Variants in PICK1 observed in about 807,000 individuals in gnomAD.
PICK1 encodes the protein protein interacting with PRKCA 1.
In PICK1, 23 loss-of-function variants were observed where a neutral mutation model predicts 48.9. The observed-to-expected ratio is 0.47, with a 90% CI of 0.34 to 0.67. The LOEUF (loss-of-function observed/expected upper bound fraction) is 0.67, where lower values mean the gene tolerates loss of function less well. Among genes scored for constraint, PICK1 ranks in the 30% least tolerant of loss-of-function variants. The pLI is 0.01. For missense variants in PICK1, 423 were observed against 557.1 expected, an observed-to-expected ratio of 0.76 and a Z score of 2.42; for synonymous variants, 217 against 228.2, an observed-to-expected ratio of 0.95 and a Z score of 0.44.
chr22:38,071,995 C>A (rs1455384087), intron 8 of PICK1: 2 of 563,296 alleles, frequency 3.6e-6, no homozygotes, highest in Non-Finnish European at 6.4e-6. Flanking sequence ...AAGGCCCTTG[C>A]TTATTTATAT....
chr22:38,074,496 G>C lies in PICK1; in HGVS notation c.979+45G>C, dbSNP rs766398481. ...CCGTCCGCTCTCCATTTCAGAGGTG[G>C]GAAAACTGAGGCCCAGAGGGGTACT... On this transcript the variant is annotated intron_variant, in intron 12 of 12. Transcript: ENST00000356976. The surrounding 1 kb of genome is among the most constrained non-coding windows in gnomAD (Gnocchi z 4.5). 1 of 1,608,346 alleles carries C rather than the reference G, an allele frequency of 6.2e-7. No individual in the cohort carries two copies. Among genetic ancestry groups the C allele is most frequent in the Non-Finnish European group, 8.5e-7 (1 of 1,177,802 alleles).
At position 38,069,808 on chromosome 22, in the gene PICK1, C is replaced by T. The variant is rs559667263; in HGVS notation, c.439+686C>T. On this transcript the variant is annotated intron_variant, in intron 6 of 12. Transcript: ENST00000356976. ...GCTGCTATTTTCAGCCTCCTGGTGC[C>T]GTGCCTATAAATCCCTGTTACTGTA... 2.6e-5 allele frequency among the ~76,000 whole-genome samples: 4 copies of T among 152,142 alleles called. No homozygotes were observed. In the South Asian group the frequency reaches 6.2e-4, roughly 24 times the overall value.
intron 8 of PICK1, 32 bp downstream of exon 8, chr22:38,071,776 C>T (rs762333770): frequency 3.1e-6 from 5 of 1,593,546 alleles, no homozygotes; most frequent in Admixed American, 1.7e-5. Context: ...GTGGTGTGAC[C>T]GTGGGCAATC....
Position 38,073,129 on chromosome 22 carries a change from G to C in PICK1, c.783+37G>C, listed in dbSNP as rs1203788125. ...AGGTGCCCAGGCTGCTAGGGCAAGC[G>C]CCCACCCTGGAGATCTGCCCCACTT... On this transcript the variant is annotated intron_variant, in intron 10 of 12. Coordinates refer to ENST00000356976, the MANE Select transcript of PICK1 (RefSeq NM_012407.4). The surrounding 1 kb of genome is among the most constrained non-coding windows in gnomAD (Gnocchi z 5.7). 7.3e-7 allele frequency: 1 copy of C among 1,367,454 alleles called. No individual in the cohort carries two copies. Among genetic ancestry groups the C allele is most frequent in the African/African-American group, 1.4e-5 (1 of 70,040 alleles). 84.7% of individuals were successfully genotyped at this position (1,367,454 alleles called of 1,614,324 possible). A position where few individuals can be genotyped will look rare whatever the true frequency, so the allele number is the denominator to read the frequency against.
rs567341049 is a variant in PICK1 at position 38,071,897 on chromosome 22, G to A, written c.556+153G>A. 152 of 718,348 alleles carry A rather than the reference G, an allele frequency of 2.1e-4. 1 individual carries two copies. The highest frequency in any genetic ancestry group is 1.7e-3 in the South Asian group (116 of 68,232). 44.5% of individuals were successfully genotyped at this position (718,348 alleles called of 1,614,324 possible). A position where few individuals can be genotyped will look rare whatever the true frequency, so the allele number is the denominator to read the frequency against. ...GTGCTGGGATTTGCGATGGGCCTGCGGGGAACATCTAGATCAGCTGGTCTC... is the reference window on the plus strand; with the variant it reads ...GTGCTGGGATTTGCGATGGGCCTGCAGGGAACATCTAGATCAGCTGGTCTC... On this transcript the variant is annotated intron_variant, in intron 8 of 12. Transcript: ENST00000356976.
At chr22:38,070,094 G>A (rs1295775676) in intron 6 of PICK1, among the ~76,000 whole-genome samples, 3 of 152,064 alleles carry the variant, frequency 2.0e-5, no homozygotes, top group Admixed American at 6.5e-5. Context: ...TTCCTTCCCC[G>A]ACAGCCTGTC....
At position 38,074,211 on chromosome 22, in the gene PICK1, T is replaced by G; in HGVS notation, c.835-96T>G. The stretch of plus-strand genomic sequence containing the variant: ...CTGAGAAACACTGAAGTCTCAGAAA[T>G]GAGGTCTCAGGAATGAAGAACAGCC... On this transcript the variant is annotated intron_variant, in intron 11 of 12. Coordinates refer to ENST00000356976, the MANE Select transcript of PICK1 (RefSeq NM_012407.4). The surrounding 1 kb of genome is among the most constrained non-coding windows in gnomAD (Gnocchi z 4.5). The G allele has an allele frequency of 1.4e-6, 2 of 1,432,768 alleles. No homozygotes were observed. Among genetic ancestry groups the G allele is most frequent in the Non-Finnish European group, 1.9e-6 (2 of 1,025,748 alleles). The allele number at this position is 1,432,768 out of a possible 1,614,324, so 88.8% of individuals were successfully genotyped here.
chr22:38,068,979 A>G lies in PICK1; in HGVS notation c.350-54A>G, dbSNP rs1339690635. 3 of 1,433,588 alleles carry G rather than the reference A, an allele frequency of 2.1e-6. 1 individual carries two copies. The African/African-American group carries it at 4.2e-5, about 20-fold the overall frequency. The allele number at this position is 1,433,588 out of a possible 1,614,324, so 88.8% of individuals were successfully genotyped here. On this transcript the variant is annotated intron_variant, in intron 5 of 12. Coordinates refer to ENST00000356976, the MANE Select transcript of PICK1 (RefSeq NM_012407.4). ...TGTGCATGGAGGTAAGGCTGGGGGC[A>G]GGGATGGCCTCTGGGCAGCCACAGA...
intron 6 of PICK1, among the ~76,000 whole-genome samples, chr22:38,069,629 C>T (rs1046538668): frequency 2.6e-5 from 4 of 152,136 alleles, no homozygotes; most frequent in East Asian, 1.9e-4. Flanking sequence ...GTCGCCAGTC[C>T]GAGTTTAAAA....
At chr22:38,069,991 T>C (rs1601952366) in intron 6 of PICK1, among the ~76,000 whole-genome samples, 1 of 152,216 alleles carries the variant, frequency 6.6e-6, no homozygotes, top group South Asian at 2.1e-4. Context: ...ATGGCTCCTT[T>C]CCTGCCGCTG....
In PICK1 at chr22:38,073,983, G is replaced by A. The variant is rs965772930; in HGVS notation, c.834+160G>A. ...TTCCCAGTCCCGCTCGCTGGGCCTC[G>A]GGGTGCTGGGCACCCGGCCGGGAAC... is the stretch of plus-strand genomic sequence containing the variant. On this transcript the variant is annotated intron_variant, in intron 11 of 12. Coordinates refer to ENST00000356976, the MANE Select transcript of PICK1 (RefSeq NM_012407.4). The surrounding 1 kb of genome is among the most constrained non-coding windows in gnomAD (Gnocchi z 5.7). 1.3e-5 allele frequency: 10 copies of A among 748,620 alleles called. No individual in the cohort carries two copies. Among genetic ancestry groups the A allele is most frequent in the Admixed American group, 2.2e-5 (1 of 45,560 alleles). 46.4% of individuals were successfully genotyped at this position (748,620 alleles called of 1,614,324 possible).
chr22:38,069,908 T>G (rs1452914945), intron 6 of PICK1, among the ~76,000 whole-genome samples: 1 of 152,208 alleles, frequency 6.6e-6, no homozygotes, highest in Non-Finnish European at 1.5e-5. Context: ...TCCCTGGCCT[T>G]AAATAGGGTT....
At chr22:38,069,180 T>TG in intron 6 of PICK1, 58 bp downstream of exon 6, 4 of 1,275,412 alleles carry the variant, frequency 3.1e-6, no homozygotes, top group Non-Finnish European at 3.4e-6. Context: ...CTGAGAAGAG[T>TG]GGGGGGCACC....
rs2085776165 is a variant in PICK1, at chr22:38,074,301, C to T, written c.835-6C>T. 4.3e-6 allele frequency: 7 copies of T among 1,612,032 alleles called. No individual in the cohort carries two copies. The South Asian group carries it at 5.5e-5, about 13-fold the overall frequency. ...AGCAGGCACTCCTGTCCCACCCCCG[C>T]CCCAGGCCCTAGGCGAGCCCCTTTA... is the stretch of plus-strand genomic sequence containing the variant. On this transcript the variant is annotated splice_polypyrimidine_tract_variant and splice_region_variant and intron_variant, in intron 11 of 12. Transcript: ENST00000356976. The surrounding 1 kb of genome is among the most constrained non-coding windows in gnomAD (Gnocchi z 4.5).
intron 4 of PICK1, among the ~76,000 whole-genome samples, chr22:38,067,092 T>C (rs555193363): frequency 4.0e-4 from 60 of 151,248 alleles, no homozygotes; most frequent in African/African-American, 1.4e-3. Context: ...AGGCTTGGAG[T>C]GTGGTTTGCG....
intron 3 of PICK1, among the ~76,000 whole-genome samples, 155 bp from the exon 4 acceptor site, chr22:38,064,847 G>A (rs559584359): frequency 2.0e-5 from 3 of 152,286 alleles, no homozygotes; most frequent in Non-Finnish European, 2.9e-5. Context: ...CTGTGATCAC[G>A]CCACTGCACT....
In PICK1 at chr22:38,074,386, G is replaced by A; in HGVS notation, c.914G>A (p.Arg305His). 6.2e-7 allele frequency: 1 copy of A among 1,613,008 alleles called. No individual in the cohort carries two copies. Among genetic ancestry groups the A allele is most frequent in the Non-Finnish European group, 8.5e-7 (1 of 1,179,954 alleles). Residue 305 changes from arginine to histidine, a missense_variant, in exon 12 of 13, where the codon CGC becomes CAC. Physicochemically the swap from Arg to His is conservative, Grantham distance 29 (BLOSUM62 0). Around this residue, in one of 2 missense-constraint regions of PICK1, gnomAD observed 279 missense variants for 417.8 expected, o/e 0.67. Coordinates refer to ENST00000356976, the MANE Select transcript of PICK1 (RefSeq NM_012407.4). The surrounding 1 kb of genome is among the most constrained non-coding windows in gnomAD (Gnocchi z 4.5). ...ATCCTGCGCTGCCGCCAGGAGGCGC[G>A]CGCCCGCTTCTCCCAGATGCGCAAG... ...RLILRCRQEA[R>H]ARFSQMRKDV...
Position 38,069,231 on chromosome 22 carries a change from C to A in PICK1, c.439+109C>A, listed in dbSNP as rs922850646. 48 of 784,568 alleles carry A rather than the reference C, an allele frequency of 6.1e-5. No individual in the cohort carries two copies. The African/African-American group carries it at 7.5e-4, about 12-fold the overall frequency. 48.6% of individuals were successfully genotyped at this position (784,568 alleles called of 1,614,324 possible). On this transcript the variant is annotated intron_variant, in intron 6 of 12. Transcript: ENST00000356976. ...GCTGCTGTGGGTCCCGCGGGTCTGA[C>A]CCTGGCCTCTGCCCGTGGAACTGAG... is the stretch of plus-strand genomic sequence containing the variant.
At chr22:38,067,605 G>C (rs1040363903) in intron 4 of PICK1, 99 bp from the exon 5 acceptor site, 13 of 1,065,848 alleles carry the variant, frequency 1.2e-5, no homozygotes, top group Non-Finnish European at 1.9e-5. Flanking sequence ...CACCGCACCC[G>C]GCCTTGGGCT....
Sources: gnomAD v4.1 joint callset for allele counts (sites outside exome capture counted in the v4.1 genomes callset) on GRCh38, gnomAD v4.1.1 for gene constraint, gnomAD v4.1.1 regional missense constraint, Gnocchi (gnomAD v3.1) non-coding constraint, MANE v1.5 for transcripts, NCBI Gene and HGNC (gene_info 2026-07-23, HGNC 2026-07-21) for gene names.